LIPE: variants seen among roughly 807,000 people sequenced by gnomAD.
LIPE encodes the protein hormone-sensitive lipase.
Under a neutral mutation model 88.5 loss-of-function variants are expected in LIPE, and 66 were observed. The observed-to-expected ratio is 0.75, with a 90% confidence interval of 0.61 to 0.91. The LOEUF (loss-of-function observed/expected upper bound fraction) is 0.91, where lower values mean the gene tolerates loss of function less well. LIPE is among the 40% of genes least tolerant of loss of function. The probability of loss-of-function intolerance (pLI) is 0.00; values close to 1 mark genes in which losing one functional copy is unlikely to be tolerated. For synonymous variants in LIPE, 570 were observed against 617.5 expected, an observed-to-expected ratio of 0.92 and a Z score of 1.14; for missense variants, 1,346 against 1,434.7, an observed-to-expected ratio of 0.94 and a Z score of 1.00.
In LIPE at chr19:42,426,852, A is replaced by G. The variant is rs16975750; in HGVS notation, c.298T>C (p.Tyr100His). The change falls in exon 1 of 10, where the codon TAC becomes CAC. Residue 100 changes from tyrosine (Y) to histidine (H), a missense_variant. Tyr to His is a moderately conservative substitution (Grantham distance 83). Transcript: ENST00000244289. ...PQKPAPQQSP[Y>H]IQRVLLTQQE... The stretch of plus-strand genomic sequence containing the variant: ...TGAGTGAGCAGCACCCTTTGGATGT[A>G]AGGTGATTGCTGTGGTGCGGGCTTC... 21,407 of 1,614,018 alleles carry G rather than the reference A, an allele frequency of 0.013. 2,066 individuals are homozygous for G. In the African/African-American group the frequency reaches 0.23, roughly 17 times the overall value.
chr19:42,402,164 G>T (rs2039998819), intron 9 of LIPE, 89 bp from the exon 10 acceptor site: 7 of 1,287,770 alleles, frequency 5.4e-6, no homozygotes, highest in Non-Finnish European at 7.2e-6. Flanking sequence ...GATGAACAAA[G>T]GGAGCGGGAA....
At chr19:42,409,184 C>T (rs1321181358) in intron 2 of LIPE, among the ~76,000 whole-genome samples, 1 of 151,830 alleles carries the variant, frequency 6.6e-6, no homozygotes, top group Non-Finnish European at 1.5e-5. Flanking sequence ...AGACTGAGGC[C>T]TAGACATAGG....
Position 42,408,036 on chromosome 19 carries a change from CT to C in LIPE, c.1595del (p.Gln532ArgfsTer31). On this transcript the variant is annotated frameshift_variant, in exon 4 of 10. Coordinates refer to ENST00000244289, the MANE Select transcript of LIPE (RefSeq NM_005357.4). LOFTEE classifies it high-confidence loss of function. This position sits in a 1 kb window ranked among gnomAD's most constrained non-coding sequence, Gnocchi z 4.3. ...CTTTCCAGAAGTGCACGTCCAGGTT[CT>C]GTGTGATCCGCTCAAACTCAGCCCC... ...LRGAEFERITQNLDVHFWKAF... is the reference protein window; with the variant it reads ...LRGAEFERITXNLDVHFWKAF... 8.1e-6 allele frequency: 13 copies of C among 1,613,928 alleles called. No homozygotes were observed. The highest frequency in any genetic ancestry group is 1.1e-5 in the Non-Finnish European group (13 of 1,179,884).
rs1306415318 is a variant in LIPE, at chr19:42,408,585, G to A, written c.1420-263C>T. On this transcript the variant is annotated intron_variant, in intron 2 of 9. Coordinates refer to ENST00000244289, the MANE Select transcript of LIPE (RefSeq NM_005357.4). The surrounding 1 kb of genome is among the most constrained non-coding windows in gnomAD (Gnocchi z 4.3). ...GTTTGGAAAAAAAAAAAGGCAGTAGGTGGAGAGGGCACCAGTGATGACTAG... is the reference window on the plus strand; with the variant it reads ...GTTTGGAAAAAAAAAAAGGCAGTAGATGGAGAGGGCACCAGTGATGACTAG... 6.3e-6 allele frequency: 3 copies of A among 479,982 alleles called. No homozygotes were observed. Among genetic ancestry groups the A allele is most frequent in the African/African-American group, 2.0e-5 (1 of 50,828 alleles). The allele number at this position is 479,982 out of a possible 1,614,324, so 29.7% of individuals were successfully genotyped here.
At chr19:42,402,581 C>T in intron 9 of LIPE, 26 bp downstream of exon 9, 1 of 1,461,944 alleles carries the variant, frequency 6.8e-7, no homozygotes, top group Non-Finnish European at 9.1e-7. Flanking sequence ...CTAAATGCAC[C>T]TGTACCGGCC....
intron 1 of LIPE, chr19:42,423,522 C>T (rs767694173): frequency 2.1e-5 from 27 of 1,268,556 alleles, no homozygotes; most frequent in Middle Eastern, 4.4e-4. Context: ...GCTCCGTTCC[C>T]CCGGCCAACT....
chr19:42,404,155 C>T (rs1475615727), intron 8 of LIPE, among the ~76,000 whole-genome samples: 1 of 150,836 alleles, frequency 6.6e-6, no homozygotes, highest in Non-Finnish European at 1.5e-5. Context: ...ACCTCTGCCT[C>T]CCGGGTTCAA....
intron 1 of LIPE, chr19:42,423,937 G>A (rs2040655741): frequency 1.7e-6 from 2 of 1,164,794 alleles, no homozygotes; most frequent in Non-Finnish European, 1.1e-6. Flanking sequence ...CCCAGGGAGG[G>A]ATGCCCTAGC....
Position 42,427,127 on chromosome 19 carries a change from A to G in LIPE, c.23T>C (p.Val8Ala). Reference protein sequence around the residue: MEPGSKSVSRSDWQPEPH... With the variant: MEPGSKSASRSDWQPEPH... ...TTCAGGTTGCCAGTCTGACCTAGACACTGACTTAGAACCTGGCTCCATTGT... is the reference window on the plus strand; with the variant it reads ...TTCAGGTTGCCAGTCTGACCTAGACGCTGACTTAGAACCTGGCTCCATTGT... The change falls in exon 1 of 10, where the codon GTG (valine) becomes GCG (alanine). Residue 8 changes from valine (V) to alanine (A), a missense_variant. Transcript: ENST00000244289. 1 of 1,603,902 alleles carries G rather than the reference A, an allele frequency of 6.2e-7. No homozygotes were observed. The highest frequency in any genetic ancestry group is 1.4e-5 in the African/African-American group (1 of 74,062).
chr19:42,413,227 C>T (rs1333349736), intron 1 of LIPE, among the ~76,000 whole-genome samples: 1 of 152,232 alleles, frequency 6.6e-6, no homozygotes, highest in East Asian at 1.9e-4. Context: ...AGTTCTGTTC[C>T]ATCCTGCCAT....
At chr19:42,425,294 A>C (rs1162007646) in intron 1 of LIPE, 1 of 152,630 alleles carries the variant, frequency 6.6e-6, no homozygotes, top group Non-Finnish European at 1.5e-5. Context: ...GGATGGATGA[A>C]TGAACACTGG....
rs773975910 is a variant in LIPE, at chr19:42,426,759, A to G, written c.391T>C (p.Leu131=). ...KESITQQEPA[L]RQRHVAQPGP... is the part of the protein sequence containing the mutation. ...GGCTGGGCTACATGTCTTTGTCTCA[A>G]TGCTGGCTCCTGTTGAGTTATAGAT... The change falls in exon 1 of 10, where the codon TTG becomes CTG. Residue 131 remains leucine (L), a synonymous_variant. Transcript: ENST00000244289. The G allele has an allele frequency of 2.2e-5, 36 of 1,613,842 alleles. No homozygotes were observed. Among genetic ancestry groups the G allele is most frequent in the Admixed American group, 8.3e-5 (5 of 59,986 alleles).
Position 42,408,288 on chromosome 19 carries a change from A to T in LIPE, c.1454T>A (p.Ile485Asn), listed in dbSNP as rs762507285. Residue 485 changes from isoleucine (I) to asparagine (N), a missense_variant, in exon 3 of 10, where the codon ATC becomes AAC. By Grantham distance (149) the Ile-to-Asn change is moderately radical (BLOSUM62 -3). Transcript: ENST00000244289. This position sits in a 1 kb window ranked among gnomAD's most constrained non-coding sequence, Gnocchi z 4.3. ...TPAIRPFLQT[I>N]SIGLVSFGEH... is the part of the protein sequence containing the mutation. ...CCCGAAGGACACCAGCCCAATGGAG[A>T]TGGTCTGCAGGAATGGCCGGATGGC... The T allele has an allele frequency of 6.2e-7, 1 of 1,613,998 alleles. No homozygotes were observed. The highest frequency in any genetic ancestry group is 8.5e-7 in the Non-Finnish European group (1 of 1,179,980).
At chr19:42,422,742 G>A (rs1364053730) in intron 1 of LIPE, among the ~76,000 whole-genome samples, 4 of 152,134 alleles carry the variant, frequency 2.6e-5, no homozygotes, top group Admixed American at 6.5e-5. Flanking sequence ...TGACACCCTA[G>A]AGAAATGAGG....
At chr19:42,424,177 C>T (rs1568614553) in intron 1 of LIPE, 3 of 1,105,674 alleles carry the variant, frequency 2.7e-6, no homozygotes, top group East Asian at 1.2e-4. Context: ...CTGTCTCCGC[C>T]CCCTAATCCA....
chr19:42,421,236 CT>C (rs1240425971), intron 1 of LIPE, among the ~76,000 whole-genome samples: 1 of 152,094 alleles, frequency 6.6e-6, no homozygotes, highest in African/African-American at 2.4e-5. Flanking sequence ...CCTGTTTCCT[CT>C]TCCTCTTCCT....
chr19:42,424,275 G>A (rs1203214222), intron 1 of LIPE: 3 of 483,206 alleles, frequency 6.2e-6, no homozygotes, highest in South Asian at 4.6e-5. Context: ...GCCCAAGAGC[G>A]GAGGTAGAGG....
chr19:42,411,160 A>C (rs2040365320), intron 1 of LIPE: 1 of 280,714 alleles, frequency 3.6e-6, no homozygotes, highest in African/African-American at 2.3e-5. Context: ...TTCAGGACCC[A>C]GGAGCCCCTG....
At position 42,408,565 on chromosome 19, in the gene LIPE, GAAA is replaced by G; in HGVS notation, c.1420-246_1420-244del. 3 of 398,784 alleles carry G rather than the reference GAAA, an allele frequency of 7.5e-6. No homozygotes were observed. The highest frequency in any genetic ancestry group is 9.2e-6 in the Non-Finnish European group (2 of 216,786). 24.7% of individuals were successfully genotyped at this position (398,784 alleles called of 1,614,324 possible). The stretch of plus-strand genomic sequence containing the variant: ...ATGACAAGGAATGACGAATGGTTTG[GAAA>G]AAAAAAAAGGCAGTAGGTGGAGAGG... On this transcript the variant is annotated intron_variant, in intron 2 of 9. Coordinates refer to ENST00000244289, the MANE Select transcript of LIPE (RefSeq NM_005357.4). The surrounding 1 kb of genome is among the most constrained non-coding windows in gnomAD (Gnocchi z 4.3).
Sources: gnomAD v4.1 joint callset for allele counts (sites outside exome capture counted in the v4.1 genomes callset) on GRCh38, gnomAD v4.1.1 for gene constraint, Gnocchi (gnomAD v3.1) non-coding constraint, MANE v1.5 for transcripts, NCBI Gene and HGNC (gene_info 2026-07-23, HGNC 2026-07-21) for gene names.